The following OR2T2 variants were observed in gnomAD, a reference collection of about 807,000 sequenced individuals.
OR2T2 encodes olfactory receptor 2T2.
For synonymous variants in OR2T2, 50 were observed against 162.7 expected, an observed-to-expected ratio of 0.31 and a Z score of 5.27; for missense variants, 138 against 409.1, an observed-to-expected ratio of 0.34 and a Z score of 5.72.
chr1:248,453,887 A>G (rs1648593281), exon 3 of OR2T2: 4 of 1,430,272 alleles, frequency 2.8e-6, no homozygotes, highest in East Asian at 2.4e-5. Context: ...TAGCGCAAAC[A>G]TCTGCGGTGC....
chr1:248,453,819 T>C lies in OR2T2; in HGVS notation c.*47T>C, dbSNP rs188836378. ...AGTGGTGACTGTGATCGGGAAGGAT[T>C]AGCGGGGACTCCCAGAGCATCAGGG... On this transcript the variant is annotated 3_prime_UTR_variant, in exon 3 of 3. Coordinates refer to ENST00000642130, the Ensembl canonical transcript of OR2T2. 2,268 of 1,446,662 alleles carry C rather than the reference T, an allele frequency of 1.6e-3. 4 individuals carry two copies. In the Admixed American group the frequency reaches 0.044, roughly 28 times the overall value. 89.6% of individuals were successfully genotyped at this position (1,446,662 alleles called of 1,614,324 possible).
chr1:248,447,087 A>C (rs1401518573), intron 2 of OR2T2, among the ~76,000 whole-genome samples: 1 of 152,068 alleles, frequency 6.6e-6, no homozygotes, highest in Non-Finnish European at 1.5e-5. Context: ...TAACTAAGGC[A>C]GTATGTAATT....
chr1:248,450,264 A>AC, intron 2 of OR2T2, among the ~76,000 whole-genome samples: 1 of 144,392 alleles, frequency 6.9e-6, no homozygotes, highest in Non-Finnish European at 1.5e-5. Context: ...AGATGCACAC[A>AC]CCACACATAC....
intron 2 of OR2T2, among the ~76,000 whole-genome samples, chr1:248,451,456 TAC>T (rs1174052597): frequency 6.4e-5 from 7 of 109,940 alleles, no homozygotes; most frequent in Non-Finnish European, 1.0e-4. Context: ...GAAATTTCTT[TAC>T]CATCTATAGT....
intron 2 of OR2T2, among the ~76,000 whole-genome samples, chr1:248,451,875 TAA>T (rs1360857404): frequency 9.5e-6 from 1 of 104,726 alleles, no homozygotes; most frequent in East Asian, 3.0e-4. Flanking sequence ...TAGGATGATA[TAA>T]TATTAGGACA....
At chr1:248,449,792 C>T (rs1381143105) in intron 2 of OR2T2, among the ~76,000 whole-genome samples, 6 of 118,090 alleles carry the variant, frequency 5.1e-5, no homozygotes, top group East Asian at 2.7e-4. Context: ...GCTTTGATCA[C>T]GCAAATAAAA....
intron 2 of OR2T2, among the ~76,000 whole-genome samples, chr1:248,450,733 AT>A (rs1662778899): frequency 6.6e-6 from 1 of 151,518 alleles, no homozygotes; most frequent in Non-Finnish European, 1.5e-5. Flanking sequence ...TCCATAATGC[AT>A]TTAACTGAAA....
At chr1:248,454,102 C>T in exon 3 of OR2T2, 2 of 274,812 alleles carry the variant, frequency 7.3e-6, no homozygotes, top group Non-Finnish European at 1.2e-5. Context: ...CATTCTCAGT[C>T]AAGTAGCCCT....
intron 2 of OR2T2, among the ~76,000 whole-genome samples, chr1:248,449,828 C>CTTTTT (rs777942474): frequency 8.7e-6 from 1 of 115,298 alleles, no homozygotes; most frequent in Non-Finnish European, 1.6e-5. Context: ...TTTTCTTTTT[C>CTTTTT]TTTTTTTTTT....
intron 2 of OR2T2, among the ~76,000 whole-genome samples, chr1:248,450,875 GT>G (rs1432559736): frequency 2.2e-5 from 3 of 137,322 alleles, no homozygotes; most frequent in Non-Finnish European, 4.6e-5. Flanking sequence ...ATTCGAAGCT[GT>G]GGCTATCACA....
intron 2 of OR2T2, among the ~76,000 whole-genome samples, chr1:248,447,584 C>T: frequency 6.7e-6 from 1 of 150,342 alleles, no homozygotes; most frequent in East Asian, 1.9e-4. Context: ...AGCCTTTTGA[C>T]ATTATTTACA....
intron 2 of OR2T2, among the ~76,000 whole-genome samples, chr1:248,449,971 C>A (rs1458477309): frequency 8.4e-6 from 1 of 119,722 alleles, no homozygotes; most frequent in African/African-American, 4.1e-5. Flanking sequence ...AACCACACAT[C>A]GTAATGCTAA....
intron 2 of OR2T2, among the ~76,000 whole-genome samples, chr1:248,448,869 C>CTA (rs1662726664): frequency 1.3e-5 from 1 of 79,934 alleles, no homozygotes; most frequent in African/African-American, 4.9e-5. Flanking sequence ...GGAGAAGTAA[C>CTA]TATGCGTGTC....
At position 248,453,900 on chromosome 1, in the gene OR2T2, C is replaced by T. The variant is rs539286740; in HGVS notation, c.*128C>T. Reference sequence around the variant, plus strand: ...ACTAGCGCAAACATCTGCGGTGCTGCGGCCAATAACGCAGCTATTACAGAA... The same window carrying T: ...ACTAGCGCAAACATCTGCGGTGCTGTGGCCAATAACGCAGCTATTACAGAA... On this transcript the variant is annotated 3_prime_UTR_variant, in exon 3 of 3. Transcript: ENST00000642130. The T allele has an allele frequency of 8.7e-4, 1,126 of 1,287,832 alleles. 3 individuals are homozygous for T. Among genetic ancestry groups the T allele is most frequent in the Admixed American group, 2.6e-3 (138 of 53,822 alleles). 79.8% of individuals were successfully genotyped at this position (1,287,832 alleles called of 1,614,324 possible).
chr1:248,454,282 C>G, exon 3 of OR2T2: 1 of 60,874 alleles, frequency 1.6e-5, no homozygotes, highest in Non-Finnish European at 2.6e-5. Flanking sequence ...TGTGATGAGT[C>G]CTTCTGTGTC....
exon 3 of OR2T2, chr1:248,455,171 A>G (rs1662906657): frequency 6.8e-6 from 1 of 146,916 alleles, no homozygotes; most frequent in African/African-American, 2.6e-5. Context: ...ATATTGACGG[A>G]CCTGGTGTTT....
In OR2T2 at chr1:248,453,922, A is replaced by G. The variant is rs1386376558; in HGVS notation, c.*150A>G. ...CTGCGGCCAATAACGCAGCTATTAC[A>G]GAAAATATGGTATTGGTTCTGAAGA... On this transcript the variant is annotated 3_prime_UTR_variant, in exon 3 of 3. Coordinates refer to ENST00000642130, the Ensembl canonical transcript of OR2T2. 16 of 999,008 alleles carry G rather than the reference A, an allele frequency of 1.6e-5. No individual in the cohort carries two copies. In the African/African-American group the frequency reaches 2.5e-4, roughly 16 times the overall value. The allele number at this position is 999,008 out of a possible 1,614,324, so 61.9% of individuals were successfully genotyped here. A position where few individuals can be genotyped will look rare whatever the true frequency, so the allele number is the denominator to read the frequency against.
intron 2 of OR2T2, among the ~76,000 whole-genome samples, chr1:248,447,988 G>A (rs1239662397): frequency 3.3e-5 from 5 of 152,288 alleles, no homozygotes; most frequent in Non-Finnish European, 5.9e-5. Context: ...CTGTGTAGTT[G>A]ATTCACACTG....
intron 1 of OR2T2, 72 bp from the exon 2 acceptor site, chr1:248,446,512 GCTCGC>G (rs1236205606): frequency 1.5e-5 from 2 of 135,976 alleles, no homozygotes; most frequent in Non-Finnish European, 1.6e-5. Context: ...GACTAGATGG[GCTCGC>G]CTCGCCTCAC....
Sources: allele counts gnomAD v4.1 joint callset (sites outside exome capture counted in the v4.1 genomes callset), GRCh38; gene constraint gnomAD v4.1.1; transcripts MANE v1.5; gene names NCBI Gene and HGNC (gene_info 2026-07-23, HGNC 2026-07-21).